CTNNBL1: variants seen among roughly 807,000 people sequenced by gnomAD.
The protein encoded by CTNNBL1 is catenin beta like 1.
In CTNNBL1, 31 loss-of-function variants were observed where a neutral mutation model predicts 72.7. That is an observed-to-expected ratio of 0.43 (90% CI 0.32 to 0.58). CTNNBL1 has a LOEUF of 0.58. Ranked by LOEUF, CTNNBL1 falls within the 20% of genes least tolerant of loss-of-function variation. The pLI is 0.08. For synonymous variants in CTNNBL1, 240 were observed against 267.3 expected (o/e 0.90, Z 1.00); for missense variants, 534 against 725.1 (o/e 0.74, Z 3.03).
intron 5 of CTNNBL1, 67 bp downstream of exon 5, chr20:37,757,723 C>T: frequency 8.4e-7 from 1 of 1,194,804 alleles, no homozygotes. Context: ...CCACCATCGT[C>T]TCGGAGAGTG....
intron 11 of CTNNBL1, among the ~76,000 whole-genome samples, chr20:37,807,034 T>G (rs1052751938): frequency 1.3e-5 from 2 of 152,176 alleles, no homozygotes; most frequent in African/African-American, 2.4e-5. Flanking sequence ...TTTGCCTCTT[T>G]AAGTCCATCC....
At chr20:37,853,130 T>C (rs981223725) in intron 13 of CTNNBL1, among the ~76,000 whole-genome samples, 10 of 152,166 alleles carry the variant, frequency 6.6e-5, no homozygotes, top group African/African-American at 2.4e-4. Flanking sequence ...GTTAGTTCAG[T>C]CCCCATGTGC....
At chr20:37,857,385 G>T (rs886839791) in intron 13 of CTNNBL1, among the ~76,000 whole-genome samples, 53 of 152,312 alleles carry the variant, frequency 3.5e-4, no homozygotes, top group Non-Finnish European at 6.3e-4. Context: ...TGTCAGGGGC[G>T]CATGCTGCAT....
At chr20:37,846,116 G>A (rs1232991264) in intron 13 of CTNNBL1, among the ~76,000 whole-genome samples, 3 of 151,724 alleles carry the variant, frequency 2.0e-5, no homozygotes, top group South Asian at 2.1e-4. Context: ...GCCTAGGGGT[G>A]GTGCCGCAGA....
At chr20:37,808,070 G>A (rs572743428) in intron 11 of CTNNBL1, among the ~76,000 whole-genome samples, 1 of 152,332 alleles carries the variant, frequency 6.6e-6, no homozygotes, top group African/African-American at 2.4e-5. Context: ...CCTGGAGGCT[G>A]TTAAGAGCTT....
intron 1 of CTNNBL1, among the ~76,000 whole-genome samples, chr20:37,719,806 A>G (rs1249087336): frequency 1.3e-5 from 2 of 151,754 alleles, no homozygotes; most frequent in Non-Finnish European, 2.9e-5. Context: ...GCTGACATTT[A>G]TACAACTTGT....
intron 3 of CTNNBL1, among the ~76,000 whole-genome samples, chr20:37,743,045 C>T (rs2073231415): frequency 6.6e-6 from 1 of 152,130 alleles, no homozygotes; most frequent in Non-Finnish European, 1.5e-5. Flanking sequence ...CTCAAGTGAC[C>T]CGCCCACCTT....
intron 11 of CTNNBL1, among the ~76,000 whole-genome samples, chr20:37,829,912 G>A (rs2072193153): frequency 1.3e-5 from 2 of 152,134 alleles, no homozygotes; most frequent in African/African-American, 2.4e-5. Flanking sequence ...GCTCATTGCA[G>A]CCTTGACCTC....
chr20:37,851,463 G>T (rs1456963345), intron 13 of CTNNBL1, among the ~76,000 whole-genome samples: 1 of 152,080 alleles, frequency 6.6e-6, no homozygotes, highest in Admixed American at 6.5e-5. Flanking sequence ...AATGCTACTG[G>T]TTTGCGTTAG....
intron 11 of CTNNBL1, among the ~76,000 whole-genome samples, chr20:37,808,289 G>A: frequency 6.6e-6 from 1 of 152,214 alleles, no homozygotes; most frequent in Non-Finnish European, 1.5e-5. Context: ...CTTCCTAACA[G>A]TGAGGAAATC....
At chr20:37,787,687 T>C (rs2073691079) in intron 10 of CTNNBL1, among the ~76,000 whole-genome samples, 1 of 152,252 alleles carries the variant, frequency 6.6e-6, no homozygotes, top group Non-Finnish European at 1.5e-5. Flanking sequence ...TGTCTTTCAG[T>C]AGATGAATTT....
intron 1 of CTNNBL1, among the ~76,000 whole-genome samples, chr20:37,708,972 A>G (rs1568745402): frequency 6.6e-6 from 1 of 152,122 alleles, no homozygotes; most frequent in African/African-American, 2.4e-5. Flanking sequence ...CCCTGTCTCT[A>G]CTGAAAATAC....
chr20:37,783,957 G>T (rs1461388990), intron 10 of CTNNBL1, among the ~76,000 whole-genome samples: 1 of 152,168 alleles, frequency 6.6e-6, no homozygotes, highest in Non-Finnish European at 1.5e-5. Context: ...GGGTGTTGAA[G>T]TCTCCAGCTT....
At chr20:37,701,084 A>G (rs1031525147) in intron 1 of CTNNBL1, among the ~76,000 whole-genome samples, 1 of 152,232 alleles carries the variant, frequency 6.6e-6, no homozygotes, top group Admixed American at 6.5e-5. Context: ...TTCTGTTCCC[A>G]CAGTCCTTAC....
At chr20:37,851,309 ATC>A (rs754519655) in intron 13 of CTNNBL1, among the ~76,000 whole-genome samples, 1 of 151,636 alleles carries the variant, frequency 6.6e-6, no homozygotes, top group Admixed American at 6.6e-5. Flanking sequence ...CTACCAGAGT[ATC>A]TCTCTCTTTT....
At chr20:37,768,903 C>T (rs1375439665) in intron 7 of CTNNBL1, among the ~76,000 whole-genome samples, 10 of 152,140 alleles carry the variant, frequency 6.6e-5, no homozygotes, top group African/African-American at 1.7e-4. Context: ...CTCAGCTTCC[C>T]GAGTAGCTGG....
intron 3 of CTNNBL1, among the ~76,000 whole-genome samples, chr20:37,739,914 A>G (rs191953926): frequency 5.9e-5 from 9 of 152,316 alleles, no homozygotes; most frequent in African/African-American, 2.2e-4. Flanking sequence ...TGCTGCGGGT[A>G]ATGATACTGG....
intron 1 of CTNNBL1, among the ~76,000 whole-genome samples, chr20:37,709,146 CA>C (rs950787848): frequency 2.7e-5 from 4 of 150,288 alleles, no homozygotes; most frequent in East Asian, 1.9e-4. Context: ...AAAAAACAAA[CA>C]AAAAAAAAGA....
At chr20:37,735,300 C>A (rs2073162397) in intron 2 of CTNNBL1, among the ~76,000 whole-genome samples, 1 of 152,040 alleles carries the variant, frequency 6.6e-6, no homozygotes, top group South Asian at 2.1e-4. Context: ...TCTACTTATG[C>A]CAGAGAACAA....
Sources: gnomAD v4.1 joint callset for allele counts (sites outside exome capture counted in the v4.1 genomes callset) on GRCh38, gnomAD v4.1.1 for gene constraint, MANE v1.5 for transcripts, NCBI Gene and HGNC (gene_info 2026-07-23, HGNC 2026-07-21) for gene names.